Variants in ANAPC1 observed in about 807,000 individuals in gnomAD.
ANAPC1 encodes the protein anaphase promoting complex subunit 1.
A neutral mutation model predicts 208.0 loss-of-function variants in ANAPC1; 36 were observed. That is an observed-to-expected ratio of 0.17 (90% CI 0.13 to 0.23). The LOEUF (loss-of-function observed/expected upper bound fraction) is 0.23, where lower values mean the gene tolerates loss of function less well. Ranked by LOEUF, ANAPC1 falls within the 10% of genes least tolerant of loss-of-function variation. The probability of loss-of-function intolerance (pLI) is 1.00; values close to 1 mark genes in which losing one functional copy is unlikely to be tolerated. For missense variants in ANAPC1, 942 were observed against 2,011.6 expected (o/e 0.47, Z 10.17); for synonymous variants, 378 against 695.2 (o/e 0.54, Z 7.18).
At chr2:111,848,505 G>A (rs1212666693) in intron 14 of ANAPC1, among the ~76,000 whole-genome samples, 7 of 152,010 alleles carry the variant, frequency 4.6e-5, no homozygotes, top group South Asian at 2.1e-4. Context: ...CGGGGCACGC[G>A]GTGGCTCATG....
chr2:111,841,887 T>C lies in ANAPC1; in HGVS notation c.2040+1525A>G, dbSNP rs1345604916. The stretch of plus-strand genomic sequence containing the variant: ...TTACTTATAGAGAAATAAGATAAAA[T>C]TTCTCAGGAAGCTGGCAAAGGTTCA... On this transcript the variant is annotated intron_variant, in intron 17 of 47. Transcript: ENST00000341068. 4.1e-4 allele frequency among the ~76,000 whole-genome samples: 62 copies of C among 152,160 alleles called. 2 individuals carry two copies. Among genetic ancestry groups the C allele is most frequent in the Admixed American group, 4.1e-3 (62 of 15,276 alleles).
rs1481634984 is a variant in ANAPC1, at chr2:111,825,574, C to A, written c.2704+203G>T. On this transcript the variant is annotated intron_variant, in intron 22 of 47. Transcript: ENST00000341068. ...GCTAAAATAGTCCTTTTTACCCGCA[C>A]TGAAAATACAAGATGTATTAGATTT... is the stretch of plus-strand genomic sequence containing the variant. Among the ~76,000 whole-genome samples, 6 of 152,178 alleles carry A rather than the reference C, an allele frequency of 3.9e-5. No individual in the cohort carries two copies. In the East Asian group the frequency reaches 1.2e-3, roughly 29 times the overall value.
intron 17 of ANAPC1, among the ~76,000 whole-genome samples, chr2:111,839,950 A>G (rs1680672265): frequency 6.6e-6 from 1 of 152,036 alleles, no homozygotes; most frequent in South Asian, 2.1e-4. Flanking sequence ...CCCTTCATCT[A>G]TCATAACACA....
intron 21 of ANAPC1, among the ~76,000 whole-genome samples, chr2:111,826,945 C>A (rs1191910134): frequency 1.3e-5 from 2 of 152,208 alleles, no homozygotes; most frequent in Non-Finnish European, 2.9e-5. Flanking sequence ...GCCACCGCAC[C>A]TGGCCCCAAA....
chr2:111,802,352 T>C (rs1191015950), intron 33 of ANAPC1, 76 bp downstream of exon 33: 11 of 1,183,306 alleles, frequency 9.3e-6, no homozygotes, highest in Admixed American at 1.8e-5. Context: ...CGTAAGCCAC[T>C]GTGCCCGGCT....
At chr2:111,855,899 T>C (rs1037383927) in intron 13 of ANAPC1, among the ~76,000 whole-genome samples, 4 of 152,228 alleles carry the variant, frequency 2.6e-5, no homozygotes, top group Admixed American at 2.6e-4. Flanking sequence ...AATTTAAATT[T>C]GTAAAATGTA....
chr2:111,831,948 T>C (rs1680164041), intron 20 of ANAPC1, among the ~76,000 whole-genome samples: 1 of 148,440 alleles, frequency 6.7e-6, no homozygotes, highest in African/African-American at 2.5e-5. Flanking sequence ...TTCTATTTTA[T>C]CCCACCCTGG....
At chr2:111,883,831 T>C (rs894646613) in intron 1 of ANAPC1, 111 bp downstream of exon 1, 6 of 152,342 alleles carry the variant, frequency 3.9e-5, no homozygotes, top group African/African-American at 1.4e-4. Context: ...GGGTTCCCAG[T>C]ACCCCGGGTT....
chr2:111,816,653 G>A lies in ANAPC1; in HGVS notation c.3326-1012C>T, dbSNP rs1241226671. Among the ~76,000 whole-genome samples the A allele has an allele frequency of 1.2e-4, 17 of 143,798 alleles. No individual in the cohort carries two copies. The South Asian group carries it at 1.6e-3, about 13-fold the overall frequency. 94.3% of individuals were successfully genotyped at this position (143,798 alleles called of 152,430 possible). On this transcript the variant is annotated intron_variant, in intron 27 of 47. Transcript: ENST00000341068. ...TATTTTGAATATTGTCTTAAGTCAC[G>A]GATAAAATAATTAACATAAATATTT... is the stretch of plus-strand genomic sequence containing the variant.
chr2:111,845,675 T>C (rs1320050511), intron 16 of ANAPC1, among the ~76,000 whole-genome samples: 3 of 152,098 alleles, frequency 2.0e-5, no homozygotes, highest in African/African-American at 7.2e-5. Flanking sequence ...GGCCTTGTGA[T>C]TACGAAATAC....
intron 16 of ANAPC1, among the ~76,000 whole-genome samples, chr2:111,846,286 G>A (rs1681055190): frequency 6.6e-6 from 1 of 151,540 alleles, no homozygotes; most frequent in Non-Finnish European, 1.5e-5. Context: ...AATAATTCAA[G>A]CAGAATCCAA....
rs1222663960 is a variant in ANAPC1, at chr2:111,847,162, G to A, written c.1828C>T (p.Pro610Ser). 1.2e-6 allele frequency: 2 copies of A among 1,610,750 alleles called. No individual in the cohort carries two copies. Among genetic ancestry groups the A allele is most frequent in the Non-Finnish European group, 8.5e-7 (1 of 1,179,152 alleles). ...CCTAACTCAGAGGTGGCAATTTCAG[G>A]AATAGTGATCCTAACCATGGAGCCA... ...SNGSMVRITI[P>S]EIATSELVQT... Residue 610 changes from proline (P) to serine (S), a missense_variant, in exon 16 of 48, where the codon CCT (proline) becomes TCT (serine). By Grantham distance (74) the Pro-to-Ser change is moderately conservative. Coordinates refer to ENST00000341068, the MANE Select transcript of ANAPC1 (RefSeq NM_022662.4).
chr2:111,864,463 CTT>C (rs1156702851), intron 8 of ANAPC1, among the ~76,000 whole-genome samples: 1 of 95,186 alleles, frequency 1.1e-5, no homozygotes, highest in Non-Finnish European at 1.9e-5. Flanking sequence ...TATATATATA[CTT>C]TTTTTTTTTT....
chr2:111,835,117 A>C (rs922880921), intron 18 of ANAPC1, among the ~76,000 whole-genome samples: 1 of 152,184 alleles, frequency 6.6e-6, no homozygotes, highest in Non-Finnish European at 1.5e-5. Flanking sequence ...CTTTTAGGAA[A>C]GACATTGGGA....
chr2:111,806,820 C>G (rs1283816372), intron 29 of ANAPC1, among the ~76,000 whole-genome samples: 1 of 151,790 alleles, frequency 6.6e-6, no homozygotes, highest in African/African-American at 2.4e-5. Flanking sequence ...ATAAAATGTA[C>G]TATGTATTAA....
At chr2:111,867,117 T>A (rs936726919) in intron 7 of ANAPC1, among the ~76,000 whole-genome samples, 14 of 150,290 alleles carry the variant, frequency 9.3e-5, no homozygotes, top group Admixed American at 8.6e-4. Flanking sequence ...ATGGTGAAAC[T>A]ACGTCTCTAC....
At chr2:111,794,970 T>C in intron 34 of ANAPC1, 76 bp from the exon 35 acceptor site, 1 of 1,229,332 alleles carries the variant, frequency 8.1e-7, no homozygotes, top group South Asian at 1.4e-5. Flanking sequence ...AAGAATAACA[T>C]ACTGCTTATC....
In ANAPC1 at chr2:111,838,456, G is replaced by A. The variant is rs781021794; in HGVS notation, c.2097C>T (p.Ser699=). Residue 699 remains serine (S), a synonymous_variant, in exon 18 of 48, where the codon TCC becomes TCT. Transcript: ENST00000341068. ...PVIAPKKARP[S]ETGSDDDWEY... ...TGCTTACATCATCAGATCCAGTCTC[G>A]GAAGGCCTTGCTTTTTTGGGCGCAA... is the stretch of plus-strand genomic sequence containing the variant. The A allele has an allele frequency of 1.9e-5, 31 of 1,606,254 alleles. No homozygotes were observed. The highest frequency in any genetic ancestry group is 1.8e-4 in the East Asian group (8 of 44,692).
At chr2:111,777,163 G>T in intron 45 of ANAPC1, 106 bp from the exon 46 acceptor site, 2 of 626,880 alleles carry the variant, frequency 3.2e-6, no homozygotes, top group African/African-American at 1.8e-5. Context: ...AATTATAAAG[G>T]GTCGGGGGGT....
Sources: allele counts gnomAD v4.1 joint callset (sites outside exome capture counted in the v4.1 genomes callset), GRCh38; gene constraint gnomAD v4.1.1; transcripts MANE v1.5; gene names NCBI Gene and HGNC (gene_info 2026-07-23, HGNC 2026-07-21).